MAGI1: variants seen among roughly 807,000 people sequenced by gnomAD.
MAGI1 encodes membrane-associated guanylate kinase, WW and PDZ domain-containing protein 1.
A neutral mutation model predicts 139.9 loss-of-function variants in MAGI1; 58 were observed. The ratio of observed to expected loss-of-function variants is 0.41; its 90% confidence interval spans 0.34 to 0.52. The LOEUF is 0.52. Ranked by LOEUF, MAGI1 falls within the 20% of genes least tolerant of loss-of-function variation. The pLI is 0.12. For synonymous variants in MAGI1, 812 were observed against 737.9 expected, an observed-to-expected ratio of 1.10 and a Z score of -1.63; for missense variants, 1,874 against 1,901.6, an observed-to-expected ratio of 0.99 and a Z score of 0.27.
At chr3:65,745,073 C>G (rs570244103) in intron 1 of MAGI1, among the ~76,000 whole-genome samples, 4 of 152,182 alleles carry the variant, frequency 2.6e-5, no homozygotes, top group Non-Finnish European at 4.4e-5. Flanking sequence ...CCTTTTGCAT[C>G]TGGCATATTT....
At chr3:65,752,290 T>C (rs2036219414) in intron 1 of MAGI1, among the ~76,000 whole-genome samples, 1 of 152,200 alleles carries the variant, frequency 6.6e-6, no homozygotes, top group Non-Finnish European at 1.5e-5. Flanking sequence ...TCAGCCTCTG[T>C]TGTTTACTTT....
At chr3:65,670,823 G>A (rs529152864) in intron 1 of MAGI1, among the ~76,000 whole-genome samples, 1 of 152,074 alleles carries the variant, frequency 6.6e-6, no homozygotes, top group Non-Finnish European at 1.5e-5. Context: ...CAGAAAAATA[G>A]CCAAGGTAAA....
At chr3:65,604,654 C>T (rs1043094154) in intron 2 of MAGI1, among the ~76,000 whole-genome samples, 9 of 151,472 alleles carry the variant, frequency 5.9e-5, no homozygotes, top group African/African-American at 2.2e-4. Context: ...AAACCAAAAA[C>T]ACCAACTTGA....
intron 2 of MAGI1, among the ~76,000 whole-genome samples, chr3:65,557,501 CCTCAGAAACT>C (rs1559668785): frequency 6.6e-6 from 1 of 152,132 alleles, no homozygotes; most frequent in Non-Finnish European, 1.5e-5. Flanking sequence ...GATTCCTGAC[CCTCAGAAACT>C]GTGTGAGATC....
At chr3:65,613,796 T>G (rs75405656) in intron 2 of MAGI1, among the ~76,000 whole-genome samples, 45 of 152,226 alleles carry the variant, frequency 3.0e-4, no homozygotes, top group Non-Finnish European at 5.3e-4. Flanking sequence ...GGGTTGTTAC[T>G]CAACAAATGC....
At chr3:65,479,797 C>T (rs192705049) in intron 3 of MAGI1, among the ~76,000 whole-genome samples, 42 of 151,918 alleles carry the variant, frequency 2.8e-4, no homozygotes, top group Admixed American at 2.0e-3. Flanking sequence ...TTAAAGATAA[C>T]ATTAAATAAA....
At chr3:65,667,552 A>T (rs182181399) in intron 1 of MAGI1, among the ~76,000 whole-genome samples, 115 of 152,262 alleles carry the variant, frequency 7.6e-4, no homozygotes, top group Admixed American at 2.0e-3. Context: ...CTATACTCTT[A>T]AAGAAGAAAC....
intron 14 of MAGI1, 136 bp downstream of exon 14, chr3:65,391,006 G>GTGA (rs1258326600): frequency 2.8e-6 from 2 of 721,228 alleles, no homozygotes; most frequent in Non-Finnish European, 2.3e-6. Flanking sequence ...CACTCCCTCT[G>GTGA]TGATACTTTT....
chr3:65,673,623 A>G (rs2086997618), intron 1 of MAGI1, among the ~76,000 whole-genome samples: 1 of 152,156 alleles, frequency 6.6e-6, no homozygotes, highest in Non-Finnish European at 1.5e-5. Flanking sequence ...TCTGTGAGGT[A>G]AGGACCATGG....
intron 1 of MAGI1, among the ~76,000 whole-genome samples, chr3:65,762,881 A>G (rs545498555): frequency 5.3e-5 from 8 of 152,262 alleles, no homozygotes; most frequent in African/African-American, 1.9e-4. Context: ...TACAAGCGTC[A>G]CTCTACCACT....
At chr3:65,543,757 G>T (rs537592652) in intron 2 of MAGI1, among the ~76,000 whole-genome samples, 218 of 146,170 alleles carry the variant, frequency 1.5e-3, no homozygotes, top group African/African-American at 5.5e-3. Flanking sequence ...GTCAGGGATG[G>T]GGGGGGGTAC....
chr3:65,719,295 G>A (rs915367496), intron 1 of MAGI1, among the ~76,000 whole-genome samples: 22 of 151,394 alleles, frequency 1.5e-4, no homozygotes, highest in African/African-American at 5.3e-4. Flanking sequence ...ATGTGTGTGT[G>A]TGTGTGTGTA....
intron 2 of MAGI1, among the ~76,000 whole-genome samples, chr3:65,516,653 CAAA>C (rs2077895710): frequency 6.8e-6 from 1 of 147,574 alleles, no homozygotes; most frequent in Admixed American, 6.8e-5. Context: ...CAATCATGAG[CAAA>C]ATACTAAAAT....
intron 5 of MAGI1, among the ~76,000 whole-genome samples, chr3:65,466,058 G>A (rs963665553): frequency 1.3e-5 from 2 of 151,992 alleles, no homozygotes; most frequent in Non-Finnish European, 2.9e-5. Flanking sequence ...GTATTTTTCA[G>A]TTGAAAATTT....
rs180798661 is a variant in MAGI1, at chr3:65,729,680, C to T, written c.314-107592G>A. Among the ~76,000 whole-genome samples, 54 of 152,246 alleles carry T rather than the reference C, an allele frequency of 3.5e-4. No homozygotes were observed. In the East Asian group the frequency reaches 7.0e-3, roughly 20 times the overall value. On this transcript the variant is annotated intron_variant, in intron 1 of 22. Transcript: ENST00000402939. Reference sequence around the variant, plus strand: ...CCCTGGAACCCATCTTTGAAGCTCCCCATCGCTAATGAAAAGTGAACTCTA... The same window carrying T: ...CCCTGGAACCCATCTTTGAAGCTCCTCATCGCTAATGAAAAGTGAACTCTA...
intron 2 of MAGI1, among the ~76,000 whole-genome samples, chr3:65,530,185 T>A (rs536182960): frequency 6.6e-6 from 1 of 152,246 alleles, no homozygotes; most frequent in South Asian, 2.1e-4. Context: ...GAGAAGGTGA[T>A]CCCTAGTGTT....
chr3:65,514,526 G>C (rs1264396645), intron 2 of MAGI1, among the ~76,000 whole-genome samples: 1 of 150,338 alleles, frequency 6.7e-6, no homozygotes, highest in Non-Finnish European at 1.5e-5. Context: ...CTCAAAAGAA[G>C]ACATTTATGC....
Position 65,364,838 on chromosome 3 carries a change from C to T in MAGI1, c.3290+15G>A. 1 of 1,613,622 alleles carries T rather than the reference C, an allele frequency of 6.2e-7. No homozygotes were observed. Among genetic ancestry groups the T allele is most frequent in the Non-Finnish European group, 8.5e-7 (1 of 1,179,572 alleles). ...CTTTTTTCCCCTTTAACAAAGGAAA[C>T]CAGTCATGTCTGACCTTGTCTCCTG... On this transcript the variant is annotated intron_variant, in intron 19 of 22. Coordinates refer to ENST00000402939, the MANE Select transcript of MAGI1 (RefSeq NM_001033057.2).
At chr3:65,969,286 G>A (rs925943330) in intron 1 of MAGI1, among the ~76,000 whole-genome samples, 7 of 152,130 alleles carry the variant, frequency 4.6e-5, no homozygotes, top group Admixed American at 1.3e-4. Context: ...CCATTTCACC[G>A]GGAGCGGAGT....
Sources: gnomAD v4.1 joint callset for allele counts (sites outside exome capture counted in the v4.1 genomes callset) on GRCh38, gnomAD v4.1.1 for gene constraint, MANE v1.5 for transcripts, NCBI Gene and HGNC (gene_info 2026-07-23, HGNC 2026-07-21) for gene names.